HECW2: variants seen among roughly 807,000 people sequenced by gnomAD.
HECW2 encodes E3 ubiquitin-protein ligase HECW2.
HECW2 carries 61 observed loss-of-function variants against 175.2 expected under a neutral mutation model. That is an observed-to-expected ratio of 0.35 (90% confidence interval 0.28 to 0.43). HECW2 has a LOEUF of 0.43. Among genes scored for constraint, HECW2 ranks in the 20% least tolerant of loss-of-function variants. HECW2 has a pLI of 1.00. For synonymous variants in HECW2, 671 were observed against 731.0 expected (o/e 0.92, Z 1.32); for missense variants, 1,524 against 2,000.5 (o/e 0.76, Z 4.54).
At chr2:196,279,365 T>C (rs1413704849) in intron 14 of HECW2, among the ~76,000 whole-genome samples, 1 of 152,144 alleles carries the variant, frequency 6.6e-6, no homozygotes, top group African/African-American at 2.4e-5. Flanking sequence ...TTAAACATCA[T>C]TGACTTCTCT....
At chr2:196,480,366 G>A (rs937278275) in intron 1 of HECW2, among the ~76,000 whole-genome samples, 2 of 152,142 alleles carry the variant, frequency 1.3e-5, no homozygotes, top group African/African-American at 2.4e-5. Flanking sequence ...TGTTTGCCAC[G>A]TGGTGAGACA....
intron 2 of HECW2, among the ~76,000 whole-genome samples, chr2:196,355,597 T>C (rs1235600001): frequency 6.6e-6 from 1 of 152,104 alleles, no homozygotes; most frequent in Non-Finnish European, 1.5e-5. Flanking sequence ...ATTTTAAGCC[T>C]CAAAGACAGA....
At chr2:196,583,668 T>C (rs76265678) in intron 1 of HECW2, among the ~76,000 whole-genome samples, 13,144 of 152,298 alleles carry the variant, frequency 0.086, 634 homozygotes, top group Middle Eastern at 0.12. Flanking sequence ...AAGTCCAAAA[T>C]GTTAATCTTT....
intron 24 of HECW2, 48 bp downstream of exon 24, chr2:196,222,163 T>G: frequency 1.3e-6 from 2 of 1,574,322 alleles, no homozygotes; most frequent in Non-Finnish European, 1.7e-6. Context: ...CACTCATCAA[T>G]AGCCTTCAGT....
chr2:196,340,337 C>G (rs115925485), intron 3 of HECW2, among the ~76,000 whole-genome samples: 6 of 152,200 alleles, frequency 3.9e-5, no homozygotes, highest in Non-Finnish European at 8.8e-5. Flanking sequence ...TGGCTCACGT[C>G]TGTAATCTCA....
At chr2:196,495,896 C>T (rs555525888) in intron 1 of HECW2, among the ~76,000 whole-genome samples, 4 of 151,902 alleles carry the variant, frequency 2.6e-5, no homozygotes, top group Admixed American at 6.6e-5. Context: ...GAGCAGTGGG[C>T]GGAAAGTATA....
At chr2:196,381,894 T>C (rs1445442839) in intron 2 of HECW2, among the ~76,000 whole-genome samples, 1 of 152,178 alleles carries the variant, frequency 6.6e-6, no homozygotes. Context: ...TATACATATA[T>C]GTATGATTAT....
intron 15 of HECW2, 46 bp from the exon 16 acceptor site, chr2:196,274,169 G>T: frequency 2.1e-6 from 3 of 1,431,992 alleles, no homozygotes; most frequent in Non-Finnish European, 2.9e-6. Flanking sequence ...GAGCCAGAAT[G>T]CTCTATATCA....
intron 19 of HECW2, chr2:196,242,462 T>G (rs972201133): frequency 2.0e-5 from 9 of 447,786 alleles, no homozygotes; most frequent in Non-Finnish European, 3.7e-5. Context: ...GTTTCTCAAG[T>G]ATGTTCCCCT....
chr2:196,587,992 C>T lies in HECW2; in HGVS notation c.-36+5516G>A, dbSNP rs1370994545. On this transcript the variant is annotated intron_variant, in intron 1 of 28. Transcript: ENST00000644978. ...GCACTGGCCATCCTGCAACTCTATC[C>T]CTCAGGTATTTGTATTAAGCAACTT... Among the ~76,000 whole-genome samples, 3 of 152,150 alleles carry T rather than the reference C, an allele frequency of 2.0e-5. No individual in the cohort carries two copies. In the East Asian group the frequency reaches 5.8e-4, roughly 29 times the overall value.
chr2:196,323,211 A>T (rs1692013431), intron 6 of HECW2, among the ~76,000 whole-genome samples: 1 of 152,224 alleles, frequency 6.6e-6, no homozygotes, highest in African/African-American at 2.4e-5. Context: ...ACAGAAAAAT[A>T]AAAGTATGAG....
At chr2:196,508,958 C>T (rs1687854581) in intron 1 of HECW2, among the ~76,000 whole-genome samples, 1 of 152,158 alleles carries the variant, frequency 6.6e-6, no homozygotes, top group African/African-American at 2.4e-5. Context: ...GTCCCAGCTA[C>T]TCAGGAGGCT....
At chr2:196,537,267 T>C (rs907865389) in intron 1 of HECW2, among the ~76,000 whole-genome samples, 2 of 152,044 alleles carry the variant, frequency 1.3e-5, no homozygotes, top group Non-Finnish European at 2.9e-5. Context: ...TGGGGAAACC[T>C]GTGTGGAAAC....
intron 3 of HECW2, among the ~76,000 whole-genome samples, chr2:196,334,827 G>A (rs1044651603): frequency 6.6e-6 from 1 of 152,226 alleles, no homozygotes; most frequent in African/African-American, 2.4e-5. Context: ...GTGCCACAAT[G>A]TTATGTCTCA....
chr2:196,216,731 T>C (rs528851458), intron 27 of HECW2, among the ~76,000 whole-genome samples: 7 of 152,110 alleles, frequency 4.6e-5, no homozygotes, highest in African/African-American at 1.7e-4. Context: ...TGCTGAAGGG[T>C]CCAAGCTGTC....
At chr2:196,586,707 G>A (rs1690992915) in intron 1 of HECW2, 1 of 147,788 alleles carries the variant, frequency 6.8e-6, no homozygotes, top group Admixed American at 6.8e-5. Context: ...TCTGTCCCGA[G>A]CAACTTTTCC....
intron 2 of HECW2, among the ~76,000 whole-genome samples, chr2:196,372,071 A>C (rs1340278356): frequency 6.6e-6 from 1 of 152,164 alleles, no homozygotes; most frequent in Non-Finnish European, 1.5e-5. Flanking sequence ...TCATTGTATT[A>C]ATATCTGTAC....
At chr2:196,327,244 G>A (rs1692189425) in intron 5 of HECW2, among the ~76,000 whole-genome samples, 1 of 152,136 alleles carries the variant, frequency 6.6e-6, no homozygotes, top group Non-Finnish European at 1.5e-5. Context: ...TGTTAGATAA[G>A]CCTGATACAA....
At chr2:196,575,809 G>A (rs912440637) in intron 1 of HECW2, among the ~76,000 whole-genome samples, 15 of 152,126 alleles carry the variant, frequency 9.9e-5, no homozygotes, top group Admixed American at 3.3e-4. Context: ...AGGAGCAGGC[G>A]TGTCACATGG....
Sources: gnomAD v4.1 joint callset for allele counts (sites outside exome capture counted in the v4.1 genomes callset) on GRCh38, gnomAD v4.1.1 for gene constraint, MANE v1.5 for transcripts, NCBI Gene and HGNC (gene_info 2026-07-23, HGNC 2026-07-21) for gene names.